PRKAB1: variants seen among roughly 807,000 people sequenced by gnomAD.
PRKAB1 encodes 5'-AMP-activated protein kinase subunit beta-1.
A neutral mutation model predicts 32.0 loss-of-function variants in PRKAB1; 18 were observed. That is an observed-to-expected ratio of 0.56 (90% CI 0.39 to 0.83). The LOEUF is 0.83. Ranked by LOEUF, PRKAB1 falls within the 40% of genes least tolerant of loss-of-function variation. The pLI, the probability that PRKAB1 is intolerant of heterozygous loss-of-function variation, is 0.00. For synonymous variants in PRKAB1, 141 were observed against 141.4 expected (o/e 1.00, Z 0.02); for missense variants, 263 against 352.6 (o/e 0.75, Z 2.03).
chr12:119,668,404 G>A lies in PRKAB1; in HGVS notation c.159+1G>A. 6.2e-7 allele frequency: 1 copy of A among 1,612,260 alleles called. No homozygotes were observed. Among genetic ancestry groups the A allele is most frequent in the Non-Finnish European group, 8.5e-7 (1 of 1,179,214 alleles). On this transcript the variant is annotated splice_donor_variant, in intron 1 of 6. Transcript: ENST00000229328. LOFTEE classifies it high-confidence loss of function. ...CCTCTTCCACTCCGAGGAAATCAAG[G>A]TGCGAGCGGTGTGGAGGAACCCGAT...
chr12:119,676,866 T>G (rs1017918356), intron 5 of PRKAB1, among the ~76,000 whole-genome samples, 196 bp downstream of exon 5: 1 of 152,250 alleles, frequency 6.6e-6, no homozygotes, highest in Admixed American at 6.5e-5. Context: ...TGCCTCGTCT[T>G]GCAAAGCCTT....
chr12:119,673,920 G>A (rs1210498281), intron 2 of PRKAB1, 44 bp from the exon 3 acceptor site: 2 of 1,544,986 alleles, frequency 1.3e-6, no homozygotes, highest in Middle Eastern at 1.7e-4. Flanking sequence ...AGCTCGGGGG[G>A]CAGCCCACCC....
chr12:119,672,213 A>C, intron 1 of PRKAB1, 88 bp from the exon 2 acceptor site: 1 of 1,318,608 alleles, frequency 7.6e-7, no homozygotes, highest in Non-Finnish European at 1.0e-6. Flanking sequence ...CCAAGATAGT[A>C]ACAGCTGCGT....
In PRKAB1 at chr12:119,668,225, T is replaced by G. The variant is rs1955354473; in HGVS notation, c.-20T>G. Reference sequence around the variant, plus strand: ...AGTGAGGCGCCGTCCGCCTTCCCTGTGTCCCCGCAGACCCCCATCATGGGC... The same window carrying G: ...AGTGAGGCGCCGTCCGCCTTCCCTGGGTCCCCGCAGACCCCCATCATGGGC... On this transcript the variant is annotated 5_prime_UTR_variant, in exon 1 of 7. Transcript: ENST00000229328. The G allele has an allele frequency of 1.3e-6, 2 of 1,554,758 alleles. No individual in the cohort carries two copies. Among genetic ancestry groups the G allele is most frequent in the Non-Finnish European group, 1.7e-6 (2 of 1,157,192 alleles).
At chr12:119,678,524 A>G (rs2136859837) in intron 5 of PRKAB1, 1 of 152,000 alleles carries the variant, frequency 6.6e-6, no homozygotes, top group African/African-American at 2.4e-5. Context: ...GCATCTCCCT[A>G]CCCCCACCAC....
chr12:119,676,768 C>T, intron 5 of PRKAB1, 98 bp downstream of exon 5: 1 of 1,437,212 alleles, frequency 7.0e-7, no homozygotes, highest in Non-Finnish European at 9.5e-7. Flanking sequence ...GGTGAGCAAG[C>T]TCAGTGTCAC....
At chr12:119,680,051 T>C (rs893925331) in intron 6 of PRKAB1, 50 bp downstream of exon 6, 2 of 1,578,486 alleles carry the variant, frequency 1.3e-6, no homozygotes, top group Admixed American at 3.3e-5. Context: ...GTGTGTGCTC[T>C]GAGGACCCCC....
Position 119,680,260 on chromosome 12 carries a change from G to T in PRKAB1, c.748G>T (p.Val250Leu). ...CCTTGTTCCTTAGGATGGAGTGATG[G>T]TGCTCAGCGCAACCCACCGGTACAA... ...YALSIKDGVM[V>L]LSATHRYKKK... The change falls in exon 7 of 7, where the codon GTG becomes TTG. Residue 250 changes from valine to leucine, a missense_variant. By Grantham distance (32) the Val-to-Leu change is conservative (BLOSUM62 1). Transcript: ENST00000229328. 6.2e-7 allele frequency: 1 copy of T among 1,614,024 alleles called. No homozygotes were observed.
chr12:119,671,515 G>A, intron 1 of PRKAB1: 1 of 413,652 alleles, frequency 2.4e-6, no homozygotes, highest in Non-Finnish European at 4.9e-6. Context: ...GAGAATGAGA[G>A]CAAGCAGGGG....
rs770905581 is a variant in PRKAB1, at chr12:119,672,397, G to C, written c.256G>C (p.Gly86Arg). 12 of 1,611,456 alleles carry C rather than the reference G, an allele frequency of 7.4e-6. No homozygotes were observed. Among genetic ancestry groups the C allele is most frequent in the Non-Finnish European group, 1.0e-5 (12 of 1,178,874 alleles). ...QARPTVFRWT[G>R]GGKEVYLSGS... ...TCGGCCAACGGTGTTTCGATGGACG[G>C]GGGGCGGAAAGGAAGTTTACTTATC... The change falls in exon 2 of 7, where the codon GGG (glycine) becomes CGG (arginine). Residue 86 changes from glycine to arginine, a missense_variant. Transcript: ENST00000229328.
At chr12:119,668,670 C>T (rs937115045) in intron 1 of PRKAB1, among the ~76,000 whole-genome samples, 4 of 152,198 alleles carry the variant, frequency 2.6e-5, no homozygotes, top group African/African-American at 9.6e-5. Context: ...AGCTCTGGGA[C>T]AGAGTTTCAA....
At chr12:119,671,878 T>C (rs1955391064) in intron 1 of PRKAB1, among the ~76,000 whole-genome samples, 1 of 152,238 alleles carries the variant, frequency 6.6e-6, no homozygotes, top group African/African-American at 2.4e-5. Context: ...CTTATGGGAC[T>C]ACCATATACA....
In PRKAB1 at chr12:119,674,232, G is replaced by A. The variant is rs1955407212; in HGVS notation, c.418-108G>A. 7 of 1,055,178 alleles carry A rather than the reference G, an allele frequency of 6.6e-6. No individual in the cohort carries two copies. In the Admixed American group the frequency reaches 1.4e-4, roughly 22 times the overall value. The allele number at this position is 1,055,178 out of a possible 1,614,324, so 65.4% of individuals were successfully genotyped here. On this transcript the variant is annotated intron_variant, in intron 3 of 6. Coordinates refer to ENST00000229328, the MANE Select transcript of PRKAB1 (RefSeq NM_006253.5). This position sits in a 1 kb window ranked among gnomAD's most constrained non-coding sequence, Gnocchi z 4.3. ...TGGCATACTTGACCAAGATGAGCAG[G>A]GTGGCTAGCCAGGAGATGAGGCCTT...
Position 119,674,231 on chromosome 12 carries a change from G to A in PRKAB1, c.418-109G>A. On this transcript the variant is annotated intron_variant, in intron 3 of 6. Coordinates refer to ENST00000229328, the MANE Select transcript of PRKAB1 (RefSeq NM_006253.5). The surrounding 1 kb of genome is among the most constrained non-coding windows in gnomAD (Gnocchi z 4.3). ...TTGGCATACTTGACCAAGATGAGCA[G>A]GGTGGCTAGCCAGGAGATGAGGCCT... 1.9e-6 allele frequency: 2 copies of A among 1,052,380 alleles called. No individual in the cohort carries two copies. Among genetic ancestry groups the A allele is most frequent in the Non-Finnish European group, 1.4e-6 (1 of 702,478 alleles). The allele number at this position is 1,052,380 out of a possible 1,614,324, so 65.2% of individuals were successfully genotyped here. A position where few individuals can be genotyped will look rare whatever the true frequency, so the allele number is the denominator to read the frequency against.
upstream of PRKAB1, chr12:119,668,129 C>G: frequency 7.9e-7 from 1 of 1,263,082 alleles, no homozygotes; most frequent in Non-Finnish European, 1.0e-6. Flanking sequence ...TGTCCTGGTG[C>G]TCCGACTCCT....
intron 2 of PRKAB1, among the ~76,000 whole-genome samples, chr12:119,673,510 G>T (rs905013010): frequency 6.6e-6 from 1 of 152,212 alleles, no homozygotes; most frequent in Non-Finnish European, 1.5e-5. Context: ...GGGCTCTTCC[G>T]GAGTTTGGTT....
intron 6 of PRKAB1, 78 bp from the exon 7 acceptor site, chr12:119,680,170 A>G: frequency 6.6e-7 from 1 of 1,519,230 alleles, no homozygotes; most frequent in Middle Eastern, 1.7e-4. Context: ...GGTTTTATGA[A>G]GCCCTTAATG....
chr12:119,668,057 T>C, upstream of PRKAB1: 1 of 669,036 alleles, frequency 1.5e-6, no homozygotes, highest in Non-Finnish European at 2.3e-6. Context: ...TAAAGCGCGA[T>C]TGCGAGAGCT....
chr12:119,668,281 C>T lies in PRKAB1; in HGVS notation c.37C>T (p.Arg13Trp). Residue 13 changes from arginine to tryptophan, a missense_variant, in exon 1 of 7, where the codon CGG (arginine) becomes TGG (tryptophan). Physicochemically the swap from Arg to Trp is moderately radical, Grantham distance 101. Coordinates refer to ENST00000229328, the MANE Select transcript of PRKAB1 (RefSeq NM_006253.5). Reference protein sequence around the residue: ...NTSSERAALERHGGHKTPRRD... With the variant: ...NTSSERAALEWHGGHKTPRRD... ...CAGCAGTGAGCGCGCCGCGCTGGAG[C>T]GGCATGGTGGCCATAAGACGCCCCG... 4 of 1,609,170 alleles carry T rather than the reference C, an allele frequency of 2.5e-6. No homozygotes were observed. Among genetic ancestry groups the T allele is most frequent in the Non-Finnish European group, 3.4e-6 (4 of 1,178,226 alleles).
Sources: allele counts gnomAD v4.1 joint callset (sites outside exome capture counted in the v4.1 genomes callset), GRCh38; gene constraint gnomAD v4.1.1; non-coding constraint Gnocchi (gnomAD v3.1); transcripts MANE v1.5; gene names NCBI Gene and HGNC (gene_info 2026-07-23, HGNC 2026-07-21).